The following CENPF variants were observed in gnomAD, a reference collection of about 807,000 sequenced individuals.
The protein encoded by CENPF is AH antigen.
In CENPF, 214 loss-of-function variants were observed where a neutral mutation model predicts 307.3. The ratio of observed to expected loss-of-function variants is 0.70; its 90% CI spans 0.62 to 0.78. The LOEUF (loss-of-function observed/expected upper bound fraction) is 0.78, where lower values mean the gene tolerates loss of function less well. Ranked by LOEUF, CENPF falls within the 30% of genes least tolerant of loss-of-function variation. CENPF has a pLI of 0.00. For missense variants in CENPF, 3,401 were observed against 3,483.9 expected, an observed-to-expected ratio of 0.98 and a Z score of 0.60; for synonymous variants, 1,259 against 1,270.6, an observed-to-expected ratio of 0.99 and a Z score of 0.19.
intron 10 of CENPF, among the ~76,000 whole-genome samples, chr1:214,633,712 A>G (rs1164051495): frequency 2.0e-5 from 3 of 149,694 alleles, no homozygotes; most frequent in Non-Finnish European, 4.4e-5. Context: ...ACTGCTGGAG[A>G]TAGGGGGCTG....
rs1204247948 is a variant in CENPF, at chr1:214,664,500, T to C, written c.*706T>C. The C allele has an allele frequency of 1.3e-5, 2 of 152,236 alleles. No individual in the cohort carries two copies. The highest frequency in any genetic ancestry group is 2.9e-5 in the Non-Finnish European group (2 of 68,048). The allele number at this position is 152,236 out of a possible 1,614,324, so 9.4% of individuals were successfully genotyped here. ...ATTTTTTACAGTTCTTTGGTAAGCA[T>C]TGTCGTATCTGGTGATGGATTAACA... On this transcript the variant is annotated 3_prime_UTR_variant, in exon 20 of 20. Coordinates refer to ENST00000366955, the MANE Select transcript of CENPF (RefSeq NM_016343.4).
chr1:214,642,689 A>G lies in CENPF; in HGVS notation c.4351A>G (p.Thr1451Ala). 1 of 1,614,160 alleles carries G rather than the reference A, an allele frequency of 6.2e-7. No homozygotes were observed. The highest frequency in any genetic ancestry group is 8.5e-7 in the Non-Finnish European group (1 of 1,180,034). ...AAAGGCCGAAAATTTGGTCTTGTCA[A>G]CGAATCTGAGAAACTTTCAAGGTGA... The part of the protein sequence containing the change: ...SLKAENLVLS[T>A]NLRNFQGDLV... The change falls in exon 12 of 20, where the codon ACG (threonine) becomes GCG (alanine). Residue 1451 changes from threonine to alanine, a missense_variant. Coordinates refer to ENST00000366955, the MANE Select transcript of CENPF (RefSeq NM_016343.4).
At chr1:214,653,133 T>C in intron 16 of CENPF, 144 bp downstream of exon 16, 2 of 761,818 alleles carry the variant, frequency 2.6e-6, no homozygotes, top group South Asian at 2.9e-5. Flanking sequence ...AGTTCTCTGC[T>C]GAGTTATCTT....
Position 214,606,380 on chromosome 1 carries a change from C to T in CENPF, c.-42+3059C>T, listed in dbSNP as rs184612445. 4.3e-3 allele frequency among the ~76,000 whole-genome samples: 651 copies of T among 152,250 alleles called. 4 individuals are homozygous for T. The highest frequency in any genetic ancestry group is 0.015 in the African/African-American group (613 of 41,556). On this transcript the variant is annotated intron_variant, in intron 1 of 19. Coordinates refer to ENST00000366955, the MANE Select transcript of CENPF (RefSeq NM_016343.4). ...GGCCCTGGGGCGGAGGTAGGGGAGG[C>T]CCTGGCGCCTCTCCTCCTGATCACC...
In CENPF at chr1:214,603,291, G is replaced by A. The variant is rs1020792589; in HGVS notation, c.-72G>A. The A allele has an allele frequency of 7.9e-5, 12 of 152,356 alleles. No individual in the cohort carries two copies. Among genetic ancestry groups the A allele is most frequent in the African/African-American group, 2.7e-4 (11 of 41,460 alleles). 9.4% of individuals were successfully genotyped at this position (152,356 alleles called of 1,614,324 possible). ...AAGCCGCGCCAGAACTGTACTCTCC[G>A]AGAGGTCGTTTTCCCGTCCCCGAGA... On this transcript the variant is annotated 5_prime_UTR_variant, in exon 1 of 20. Coordinates refer to ENST00000366955, the MANE Select transcript of CENPF (RefSeq NM_016343.4).
At chr1:214,655,016 T>C (rs749491715) in intron 16 of CENPF, 9 of 303,380 alleles carry the variant, frequency 3.0e-5, no homozygotes, top group Admixed American at 5.0e-5. Flanking sequence ...CTGTAGTTTA[T>C]ACTTGTGATA....
intron 3 of CENPF, among the ~76,000 whole-genome samples, chr1:214,617,283 G>A (rs575381222): frequency 1.3e-5 from 2 of 152,124 alleles, no homozygotes; most frequent in East Asian, 3.9e-4. Flanking sequence ...CCTGACCTCA[G>A]GTTATCTGCC....
At chr1:214,614,689 TCATCTA>T in intron 2 of CENPF, 137 bp from the exon 3 acceptor site, 1 of 506,700 alleles carries the variant, frequency 2.0e-6, no homozygotes, top group East Asian at 3.3e-5. Context: ...CAAAGTGTGA[TCATCTA>T]AAATTTCTGT....
In CENPF at chr1:214,655,406, G is replaced by C. The variant is rs527897605; in HGVS notation, c.8485+3G>C. ...TGCACAGGAGAAGCAGAAAACAGGTGGGTGTTAACTGGGGCACATCAACTA... is the reference window on the plus strand; with the variant it reads ...TGCACAGGAGAAGCAGAAAACAGGTCGGTGTTAACTGGGGCACATCAACTA... On this transcript the variant is annotated splice_donor_region_variant and intron_variant, in intron 17 of 19. Transcript: ENST00000366955. 13 of 1,582,024 alleles carry C rather than the reference G, an allele frequency of 8.2e-6. No homozygotes were observed. In the East Asian group the frequency reaches 9.1e-5, roughly 11 times the overall value.
At chr1:214,632,858 C>A (rs939930450) in intron 10 of CENPF, among the ~76,000 whole-genome samples, 3 of 152,066 alleles carry the variant, frequency 2.0e-5, no homozygotes, top group African/African-American at 7.2e-5. Flanking sequence ...CAATATGTGT[C>A]TACAACATGA....
At chr1:214,608,917 G>C in intron 1 of CENPF, 1 of 1,360,192 alleles carries the variant, frequency 7.4e-7, no homozygotes, top group South Asian at 1.7e-5. Context: ...GCAGGGGAGG[G>C]GTGGGGGTGC....
At chr1:214,633,687 C>A (rs1657872247) in intron 10 of CENPF, among the ~76,000 whole-genome samples, 1 of 152,166 alleles carries the variant, frequency 6.6e-6, no homozygotes, top group Non-Finnish European at 1.5e-5. Context: ...AATCAGCTAA[C>A]CCCAAAGGGG....
At chr1:214,611,103 TA>T (rs1156984111) in intron 1 of CENPF, among the ~76,000 whole-genome samples, 5 of 152,184 alleles carry the variant, frequency 3.3e-5, no homozygotes, top group Non-Finnish European at 7.3e-5. Context: ...TAGTTTGAAG[TA>T]GGGTAACATG....
chr1:214,629,327 C>T (rs1657741884), intron 8 of CENPF, among the ~76,000 whole-genome samples, 156 bp downstream of exon 8: 1 of 152,128 alleles, frequency 6.6e-6, no homozygotes, highest in Non-Finnish European at 1.5e-5. Flanking sequence ...TTTTCTTTCA[C>T]ATCTTCACTT....
intron 17 of CENPF, 134 bp from the exon 18 acceptor site, chr1:214,656,799 A>AGATATATCTCCCGAACATATT (rs1658643559): frequency 1.1e-5 from 7 of 638,208 alleles, no homozygotes; most frequent in Non-Finnish European, 1.9e-5. Context: ...AAGAACATAT[A>AGATATATCTCCCGAACATATT]CAGATATATC....
Position 214,646,571 on chromosome 1 carries a change from T to G in CENPF, c.7001T>G (p.Leu2334Arg), listed in dbSNP as rs1206207270. 2 of 1,613,970 alleles carry G rather than the reference T, an allele frequency of 1.2e-6. No homozygotes were observed. Among genetic ancestry groups the G allele is most frequent in the Non-Finnish European group, 8.5e-7 (1 of 1,180,008 alleles). ...LKESEHHADL[L>R]KGRVENLERE... is the part of the protein sequence containing the mutation. The stretch of plus-strand genomic sequence containing the variant: ...GAAAGTGAGCATCATGCAGATTTAC[T>G]TAAGGGTAGAGTGGAGAACCTTGAA... Residue 2334 changes from leucine (L) to arginine (R), a missense_variant, in exon 13 of 20, where the codon CTT becomes CGT. Leu to Arg is a moderately radical substitution (Grantham distance 102, BLOSUM62 -2). Coordinates refer to ENST00000366955, the MANE Select transcript of CENPF (RefSeq NM_016343.4).
intron 6 of CENPF, 74 bp downstream of exon 6, chr1:214,621,020 A>G: frequency 7.0e-7 from 1 of 1,434,418 alleles, no homozygotes; most frequent in Non-Finnish European, 9.5e-7. Context: ...GATATTTTTA[A>G]TCCCATAAAG....
In CENPF at chr1:214,659,129, CA is replaced by C; in HGVS notation, c.9141+106del. On this transcript the variant is annotated intron_variant, in intron 19 of 19. Coordinates refer to ENST00000366955, the MANE Select transcript of CENPF (RefSeq NM_016343.4). This position sits in a 1 kb window ranked among gnomAD's most constrained non-coding sequence, Gnocchi z 4.4. ...TGCACCCCCGATTCAGGAGCGCTTTCAAAAAGTCTGACCTTCTTGGTGTGGT... is the reference window on the plus strand; with the variant it reads ...TGCACCCCCGATTCAGGAGCGCTTTCAAAAGTCTGACCTTCTTGGTGTGGT... 7.8e-7 allele frequency: 1 copy of C among 1,281,110 alleles called. No individual in the cohort carries two copies. The allele number at this position is 1,281,110 out of a possible 1,614,324, so 79.4% of individuals were successfully genotyped here.
intron 19 of CENPF, among the ~76,000 whole-genome samples, chr1:214,661,656 C>T (rs1658790155): frequency 6.6e-6 from 1 of 152,148 alleles, no homozygotes; most frequent in South Asian, 2.1e-4. Flanking sequence ...AGGGAGACAG[C>T]GCTTGTAGAC....
Sources: gnomAD v4.1 joint callset for allele counts (sites outside exome capture counted in the v4.1 genomes callset) on GRCh38, gnomAD v4.1.1 for gene constraint, Gnocchi (gnomAD v3.1) non-coding constraint, MANE v1.5 for transcripts, NCBI Gene and HGNC (gene_info 2026-07-23, HGNC 2026-07-21) for gene names.